Variants in ZMYM1 observed in about 807,000 individuals in gnomAD.
ZMYM1 encodes zinc finger MYM-type protein 1.
ZMYM1 carries 39 observed loss-of-function variants against 60.0 expected under a neutral mutation model. The ratio of observed to expected loss-of-function variants is 0.65; its 90% CI spans 0.50 to 0.85. The LOEUF is 0.85. Ranked by LOEUF, ZMYM1 falls within the 40% of genes least tolerant of loss-of-function variation. ZMYM1 has a pLI of 0.00. For missense variants in ZMYM1, 1,171 were observed against 1,309.5 expected, an observed-to-expected ratio of 0.89 and a Z score of 1.63; for synonymous variants, 413 against 454.0, an observed-to-expected ratio of 0.91 and a Z score of 1.15.
chr1:35,104,811 T>C, intron 6 of ZMYM1, 42 bp downstream of exon 6: 1 of 1,545,368 alleles, frequency 6.5e-7, no homozygotes, highest in African/African-American at 1.4e-5. Context: ...AACTGGCCTA[T>C]GAATGGTTTC....
Position 35,104,564 on chromosome 1 carries a change from A to G in ZMYM1, c.602A>G (p.Tyr201Cys). Reference sequence around the variant, plus strand: ...CTTTTTATTAAATCCTAGATTCAGTATGAAGTAAAATACCAAAATGTGAAA... The same window carrying G: ...CTTTTTATTAAATCCTAGATTCAGTGTGAAGTAAAATACCAAAATGTGAAA... ...SMCQKTAIIQ[Y>C]EVKYQNVKHN... is the part of the protein sequence containing the mutation. The change falls in exon 6 of 10, where the codon TAT (tyrosine) becomes TGT (cysteine). Residue 201 changes from tyrosine to cysteine, a missense_variant. Transcript: ENST00000359858. The G allele has an allele frequency of 1.2e-6, 2 of 1,614,140 alleles. No homozygotes were observed. The highest frequency in any genetic ancestry group is 1.1e-5 in the South Asian group (1 of 91,086).
chr1:35,071,513 T>C (rs1020682825), intron 1 of ZMYM1, among the ~76,000 whole-genome samples: 1 of 151,804 alleles, frequency 6.6e-6, no homozygotes, highest in Non-Finnish European at 1.5e-5. Flanking sequence ...TTCTAATTTT[T>C]TGTAGAGACA....
chr1:35,060,900 A>T (rs1641863310), intron 1 of ZMYM1, among the ~76,000 whole-genome samples: 1 of 152,200 alleles, frequency 6.6e-6, no homozygotes, highest in Admixed American at 6.5e-5. Flanking sequence ...CCTAGCTCAC[A>T]CAGAGAGCTC....
At chr1:35,092,234 C>G (rs12061188) in intron 1 of ZMYM1, among the ~76,000 whole-genome samples, 151,874 of 151,896 alleles carry the variant, frequency 1, 75,926 homozygotes, top group Non-Finnish European at 1. Context: ...CCAAAGACTT[C>G]GTTTTTTTGT....
chr1:35,063,019 C>T lies in ZMYM1; in HGVS notation c.-301+3094C>T, dbSNP rs531057440. Among the ~76,000 whole-genome samples, 28 of 152,268 alleles carry T rather than the reference C, an allele frequency of 1.8e-4. No individual in the cohort carries two copies. In the South Asian group the frequency reaches 3.7e-3, roughly 20 times the overall value. On this transcript the variant is annotated intron_variant, in intron 1 of 10. Coordinates refer to the ZMYM1 transcript ENST00000417119. ...TGGTCTAGTGGCTTTCTTGGCAGCT[C>T]TCCTCCAGGCAGTGACTCAGGGACC...
At chr1:35,112,263 T>C (rs1431638009) in intron 9 of ZMYM1, 133 bp downstream of exon 9, 1 of 817,112 alleles carries the variant, frequency 1.2e-6, no homozygotes, top group African/African-American at 1.7e-5. Context: ...CTGCAACCTT[T>C]GCCTCCTGGG....
Position 35,114,646 on chromosome 1 carries a change from G to A in ZMYM1, c.2816G>A (p.Arg939Lys). The A allele has an allele frequency of 6.3e-7, 1 of 1,597,148 alleles. No homozygotes were observed. The highest frequency in any genetic ancestry group is 8.5e-7 in the Non-Finnish European group (1 of 1,175,728). ...KVEKPSLQKR[R>K]KIQKSVDLGN... ...GAAAAACCTTCTCTTCAGAAAAGAAGAAAAATTCAGAAATCAGTAGATCTT... is the reference window on the plus strand; with the variant it reads ...GAAAAACCTTCTCTTCAGAAAAGAAAAAAAATTCAGAAATCAGTAGATCTT... The change falls in exon 10 of 10, where the codon AGA (arginine) becomes AAA (lysine). Residue 939 changes from arginine (R) to lysine (K), a missense_variant. By Grantham distance (26) the Arg-to-Lys change is conservative. Coordinates refer to ENST00000359858, the MANE Select transcript of ZMYM1 (RefSeq NM_024772.5).
At position 35,113,557 on chromosome 1, in the gene ZMYM1, A is replaced by C; in HGVS notation, c.1727A>C (p.Gln576Pro). The C allele has an allele frequency of 6.2e-7, 1 of 1,613,636 alleles. No individual in the cohort carries two copies. ...TGTTTACCCTTAAGAGGAAACGACC[A>C]GTCAGTTTCATCTGTGAATAAAGGC... ...KQCLPLRGND[Q>P]SVSSVNKGNF... The change falls in exon 10 of 10, where the codon CAG (glutamine) becomes CCG (proline). Residue 576 changes from glutamine (Q) to proline (P), a missense_variant. Gln to Pro is a moderately conservative substitution (Grantham distance 76). Coordinates refer to ENST00000359858, the MANE Select transcript of ZMYM1 (RefSeq NM_024772.5).
intron 1 of ZMYM1, among the ~76,000 whole-genome samples, chr1:35,074,077 C>T (rs543905171): frequency 2.0e-5 from 3 of 152,290 alleles, no homozygotes; most frequent in Admixed American, 1.3e-4. Flanking sequence ...TATGAACCAC[C>T]GTGGCTGCCC....
chr1:35,063,112 A>G (rs1257009054), intron 1 of ZMYM1, among the ~76,000 whole-genome samples: 1 of 149,832 alleles, frequency 6.7e-6, no homozygotes. Flanking sequence ...AGGTTTTAAT[A>G]GGTCAAGCCT....
chr1:35,076,208 C>A (rs186150255), upstream of ZMYM1, among the ~76,000 whole-genome samples: 206 of 152,270 alleles, frequency 1.4e-3, 1 homozygote, highest in African/African-American at 4.8e-3. Context: ...CTCTATTTGC[C>A]AGAAAACTTC....
At chr1:35,101,677 A>T (rs1418438736) in intron 4 of ZMYM1, among the ~76,000 whole-genome samples, 3 of 151,562 alleles carry the variant, frequency 2.0e-5, no homozygotes, top group African/African-American at 4.9e-5. Flanking sequence ...CTGTGATTTT[A>T]CAGTGTCGTG....
rs1161687152 is a variant in ZMYM1, at chr1:35,102,817, A to G, written c.420-1478A>G. Among the ~76,000 whole-genome samples, 3 of 152,136 alleles carry G rather than the reference A, an allele frequency of 2.0e-5. No individual in the cohort carries two copies. In the East Asian group the frequency reaches 5.8e-4, roughly 29 times the overall value. ...ATCCTTTGGTGTACAGAAGTACTTT[A>G]TGCTTATGTCCTGTGTTGTCACACG... On this transcript the variant is annotated intron_variant, in intron 4 of 9. Transcript: ENST00000359858.
upstream of ZMYM1, among the ~76,000 whole-genome samples, chr1:35,076,608 G>A (rs1461346891): frequency 5.3e-5 from 8 of 150,494 alleles, no homozygotes; most frequent in East Asian, 2.0e-4. Context: ...CAACAAGAGC[G>A]AAGCTCCATC....
intron 1 of ZMYM1, among the ~76,000 whole-genome samples, chr1:35,066,016 A>G (rs1169540358): frequency 1.3e-5 from 2 of 152,222 alleles, no homozygotes; most frequent in African/African-American, 4.8e-5. Context: ...TTCTATACAA[A>G]TTAAATAAAT....
chr1:35,113,912 T>C lies in ZMYM1; in HGVS notation c.2082T>C (p.His694=), dbSNP rs1231230506. 2.2e-5 allele frequency: 35 copies of C among 1,613,908 alleles called. No homozygotes were observed. In the East Asian group the frequency reaches 6.5e-4, roughly 30 times the overall value. The part of the protein sequence containing the change: ...DTEEMTGTHL[H]RTIKTYLQQI... ...AGGAGATGACTGGGACCCACTTACA[T>C]AGGACTATCAAAACTTATCTGCAGC... Residue 694 remains histidine (H), a synonymous_variant, in exon 10 of 10, where the codon CAT becomes CAC. Coordinates refer to ENST00000359858, the MANE Select transcript of ZMYM1 (RefSeq NM_024772.5).
At chr1:35,064,292 CAAA>C (rs371084383) in intron 1 of ZMYM1, among the ~76,000 whole-genome samples, 1 of 54,514 alleles carries the variant, frequency 1.8e-5, no homozygotes, top group Non-Finnish European at 3.9e-5. Context: ...GATCCTGTCT[CAAA>C]AAAAAAAAAA....
chr1:35,110,374 G>A lies in ZMYM1; in HGVS notation c.888G>A (p.Leu296=), dbSNP rs1382247948. 6.3e-7 allele frequency: 1 copy of A among 1,595,868 alleles called. No individual in the cohort carries two copies. The highest frequency in any genetic ancestry group is 8.5e-7 in the Non-Finnish European group (1 of 1,172,220). ...SDEMIETTSD[L]GKTELFCSIN... is the part of the protein sequence containing the mutation. ...AAATGATTGAGACTACGAGTGATTT[G>A]GGGAAGACAGAGCTTTTCTGCTCTA... Residue 296 remains leucine, a synonymous_variant, in exon 7 of 10, where the codon TTG becomes TTA. Coordinates refer to ENST00000359858, the MANE Select transcript of ZMYM1 (RefSeq NM_024772.5).
intron 1 of ZMYM1, among the ~76,000 whole-genome samples, chr1:35,093,621 G>C (rs148951645): frequency 1.3e-5 from 2 of 152,106 alleles, no homozygotes; most frequent in African/African-American, 4.8e-5. Flanking sequence ...TTCTCCTATT[G>C]AAAAGTTAAA....
Sources: allele counts gnomAD v4.1 joint callset (sites outside exome capture counted in the v4.1 genomes callset), GRCh38; gene constraint gnomAD v4.1.1; transcripts MANE v1.5; gene names NCBI Gene and HGNC (gene_info 2026-07-23, HGNC 2026-07-21).